ZNF507: variants seen among roughly 807,000 people sequenced by gnomAD.
ZNF507 encodes zinc finger protein 507.
A neutral mutation model predicts 80.0 loss-of-function variants in ZNF507; 29 were observed. That is an observed-to-expected ratio of 0.36 (90% confidence interval 0.27 to 0.49). ZNF507 has a LOEUF of 0.49. Ranked by LOEUF, ZNF507 falls within the 20% of genes least tolerant of loss-of-function variation. The pLI, the probability that ZNF507 is intolerant of heterozygous loss-of-function variation, is 0.98. For synonymous variants in ZNF507, 462 were observed against 422.5 expected (o/e 1.09, Z -1.15); for missense variants, 1,081 against 1,152.2 (o/e 0.94, Z 0.90).
At chr19:32,364,605 G>A (rs1243425939) in intron 5 of ZNF507, among the ~76,000 whole-genome samples, 2 of 152,108 alleles carry the variant, frequency 1.3e-5, no homozygotes, top group East Asian at 3.8e-4. Flanking sequence ...CCATTCCTGA[G>A]TTACTTCACT....
rs1166136384 is a variant in ZNF507 at position 32,386,074 on chromosome 19, A to C, written c.*2991A>C. Reference sequence around the variant, plus strand: ...CTCTATCATTTTCTCCCTTTCTCTAATCATCCAGAATATGGCGGGTGTCCC... The same window carrying C: ...CTCTATCATTTTCTCCCTTTCTCTACTCATCCAGAATATGGCGGGTGTCCC... On this transcript the variant is annotated 3_prime_UTR_variant, in exon 7 of 7. Transcript: ENST00000355898. 1 of 152,448 alleles carries C rather than the reference A, an allele frequency of 6.6e-6. No homozygotes were observed. The highest frequency in any genetic ancestry group is 1.5e-5 in the Non-Finnish European group (1 of 68,044). 9.4% of individuals were successfully genotyped at this position (152,448 alleles called of 1,614,324 possible).
intron 3 of ZNF507, 102 bp from the exon 4 acceptor site, chr19:32,356,514 G>A (rs1004197446): frequency 4.7e-5 from 34 of 717,924 alleles, no homozygotes; most frequent in East Asian, 7.7e-5. Flanking sequence ...ATGGTAATTC[G>A]TTGTACTAGG....
rs759182231 is a variant in ZNF507 at position 32,382,616 on chromosome 19, C to G, written c.2495+15C>G. 4 of 1,613,950 alleles carry G rather than the reference C, an allele frequency of 2.5e-6. No individual in the cohort carries two copies. The South Asian group carries it at 3.3e-5, about 13-fold the overall frequency. ...CAAAGTGGCAGGTATTTCATCCTAC[C>G]CCCTCCCTTTATTGCTATATGTAAA... On this transcript the variant is annotated intron_variant, in intron 6 of 6. Coordinates refer to ENST00000355898, the MANE Select transcript of ZNF507 (RefSeq NM_001136156.2).
chr19:32,372,498 G>T (rs1967487175), intron 5 of ZNF507, among the ~76,000 whole-genome samples: 2 of 151,840 alleles, frequency 1.3e-5, no homozygotes, highest in Non-Finnish European at 2.9e-5. Context: ...GTTTTTTTCA[G>T]CTGTCAGTTC....
intron 5 of ZNF507, among the ~76,000 whole-genome samples, chr19:32,368,076 A>T (rs1034959727): frequency 6.6e-6 from 1 of 152,092 alleles, no homozygotes; most frequent in Non-Finnish European, 1.5e-5. Flanking sequence ...TCTTGCTCCT[A>T]ATAACTGTGT....
rs773362265 is a variant in ZNF507 at position 32,354,303 on chromosome 19, A to G, written c.1473A>G (p.Arg491=). The G allele has an allele frequency of 1.2e-6, 2 of 1,614,046 alleles. No homozygotes were observed. The highest frequency in any genetic ancestry group is 1.7e-6 in the Non-Finnish European group (2 of 1,180,038). ...GRRRTNSESL[R]LHSLAAEALV... ...GAAGGACAAATTCTGAGTCTCTTCGATTACACTCATTAGCTGCAGAAGCCC... is the reference window on the plus strand; with the variant it reads ...GAAGGACAAATTCTGAGTCTCTTCGGTTACACTCATTAGCTGCAGAAGCCC... Residue 491 remains arginine (R), a synonymous_variant, in exon 3 of 7, where the codon CGA becomes CGG. Transcript: ENST00000355898.
intron 5 of ZNF507, among the ~76,000 whole-genome samples, chr19:32,378,615 C>A (rs1326649002): frequency 2.0e-5 from 3 of 149,688 alleles, no homozygotes; most frequent in African/African-American, 7.4e-5. Context: ...GTATCTATAC[C>A]TGTAACTATT....
chr19:32,377,117 CAT>C (rs894606943), intron 5 of ZNF507, among the ~76,000 whole-genome samples: 1 of 144,062 alleles, frequency 6.9e-6, no homozygotes, highest in Non-Finnish European at 1.5e-5. Flanking sequence ...GGGCCTGACT[CAT>C]GTCAGGCCCT....
At chr19:32,360,189 G>C (rs1213831782) in intron 4 of ZNF507, among the ~76,000 whole-genome samples, 1 of 152,210 alleles carries the variant, frequency 6.6e-6, no homozygotes, top group Admixed American at 6.5e-5. Flanking sequence ...GATCAACAGG[G>C]TGTCTCTGAT....
Position 32,347,634 on chromosome 19 carries a change from C to CA in ZNF507, c.-3+310dup, listed in dbSNP as rs772336715. Among the ~76,000 whole-genome samples the CA allele has an allele frequency of 6.9e-3, 860 of 124,002 alleles. 3 individuals are homozygous for CA. Among genetic ancestry groups the CA allele is most frequent in the African/African-American group, 8.6e-3 (288 of 33,458 alleles). The allele number at this position is 124,002 out of a possible 152,430, so 81.4% of individuals were successfully genotyped here. A position where few individuals can be genotyped will look rare whatever the true frequency, so the allele number is the denominator to read the frequency against. On this transcript the variant is annotated intron_variant, in intron 2 of 6. Coordinates refer to ENST00000355898, the MANE Select transcript of ZNF507 (RefSeq NM_001136156.2). Reference sequence around the variant, plus strand: ...CTGTGAGTCTCAGGTTTCTCATCTGCAAAAAAAAAAAAAATACACAAAATT... The same window carrying CA: ...CTGTGAGTCTCAGGTTTCTCATCTGCAAAAAAAAAAAAAAATACACAAAATT...
chr19:32,364,493 T>C (rs376317407), intron 5 of ZNF507, among the ~76,000 whole-genome samples: 1 of 152,216 alleles, frequency 6.6e-6, no homozygotes, highest in Admixed American at 6.5e-5. Context: ...CTCCTCCCAC[T>C]CTTTCCCCCC....
intron 2 of ZNF507, among the ~76,000 whole-genome samples, chr19:32,349,025 C>G (rs1967129841): frequency 6.6e-6 from 1 of 152,180 alleles, no homozygotes; most frequent in Non-Finnish European, 1.5e-5. Context: ...AATAAGCAAA[C>G]CACAGCATAA....
At chr19:32,360,415 G>A (rs1967305982) in intron 4 of ZNF507, 89 bp from the exon 5 acceptor site, 3 of 583,086 alleles carry the variant, frequency 5.1e-6, no homozygotes, top group Non-Finnish European at 8.6e-6. Context: ...CAACTGTGTG[G>A]TATAAATTTT....
chr19:32,371,213 G>A lies in ZNF507; in HGVS notation c.2360+10595G>A, dbSNP rs893845503. ...TGCCCAGCCGGGCGCGGTGGCTCAC[G>A]CTTGTAATCCCAGCACTTTGGGAGG... On this transcript the variant is annotated intron_variant, in intron 5 of 6. Coordinates refer to ENST00000355898, the MANE Select transcript of ZNF507 (RefSeq NM_001136156.2). Among the ~76,000 whole-genome samples, 14 of 151,974 alleles carry A rather than the reference G, an allele frequency of 9.2e-5. No homozygotes were observed. The South Asian group carries it at 1.0e-3, about 11-fold the overall frequency.
Position 32,382,448 on chromosome 19 carries a change from TTGCC to T in ZNF507, c.2361-12_2361-9del. On this transcript the variant is annotated splice_polypyrimidine_tract_variant and intron_variant, in intron 5 of 6. Transcript: ENST00000355898. ...GTTATGGGACCGTTCTGATTTTCCC[TTGCC>T]TGCCTGTCTTCCAGATGCTCTCTGT... 6.2e-7 allele frequency: 1 copy of T among 1,611,506 alleles called. No individual in the cohort carries two copies. The highest frequency in any genetic ancestry group is 1.1e-5 in the South Asian group (1 of 90,668).
chr19:32,350,191 TTATC>T (rs1456225392), intron 2 of ZNF507, among the ~76,000 whole-genome samples: 1 of 132,082 alleles, frequency 7.6e-6, no homozygotes, highest in Non-Finnish European at 1.6e-5. Flanking sequence ...TATCAGCTGT[TTATC>T]TAACCTTTTT....
chr19:32,356,288 A>G (rs990996976), intron 3 of ZNF507, among the ~76,000 whole-genome samples: 14 of 152,268 alleles, frequency 9.2e-5, no homozygotes, highest in Middle Eastern at 3.4e-3. Context: ...GTGAAGTTGC[A>G]TTATTCTGAA....
Position 32,382,593 on chromosome 19 carries a change from A to G in ZNF507, c.2487A>G (p.Gln829=). ...VNKAINDAIS[Q]SGRVLGKSPG... is the part of the protein sequence containing the mutation. ...AGGCTATTAACGACGCGATTTCACAAAGTGGCAGGTATTTCATCCTACCCC... is the reference window on the plus strand; with the variant it reads ...AGGCTATTAACGACGCGATTTCACAGAGTGGCAGGTATTTCATCCTACCCC... Residue 829 remains glutamine (Q), a synonymous_variant, in exon 6 of 7, where the codon CAA becomes CAG. Transcript: ENST00000355898. 1.2e-6 allele frequency: 2 copies of G among 1,614,198 alleles called. No individual in the cohort carries two copies. Among genetic ancestry groups the G allele is most frequent in the East Asian group, 2.2e-5 (1 of 44,888 alleles).
At chr19:32,381,019 A>C (rs1338507851) in intron 5 of ZNF507, among the ~76,000 whole-genome samples, 1 of 152,230 alleles carries the variant, frequency 6.6e-6, no homozygotes, top group African/African-American at 2.4e-5. Context: ...GATATTGTTC[A>C]GCAGGTGAGT....
Sources: allele counts gnomAD v4.1 joint callset (sites outside exome capture counted in the v4.1 genomes callset), GRCh38; gene constraint gnomAD v4.1.1; transcripts MANE v1.5; gene names NCBI Gene and HGNC (gene_info 2026-07-23, HGNC 2026-07-21).